The following SGCZ variants were observed in gnomAD, a reference collection of about 807,000 sequenced individuals.
SGCZ encodes the protein zeta-sarcoglycan.
Under a neutral mutation model 41.3 loss-of-function variants are expected in SGCZ, and 40 were observed. The observed-to-expected ratio is 0.97, with a 90% CI of 0.75 to 1.26. SGCZ has a LOEUF of 1.26. SGCZ is among the 50% of genes most tolerant of loss of function. The probability of loss-of-function intolerance (pLI) is 0.00; values close to 1 mark genes in which losing one functional copy is unlikely to be tolerated. For synonymous variants in SGCZ, 206 were observed against 137.5 expected, an observed-to-expected ratio of 1.50 and a Z score of -3.49; for missense variants, 552 against 369.8, an observed-to-expected ratio of 1.49 and a Z score of -4.04.
intron 1 of SGCZ, among the ~76,000 whole-genome samples, chr8:14,899,735 G>A (rs1331911324): frequency 6.6e-6 from 1 of 151,910 alleles, no homozygotes; most frequent in Non-Finnish European, 1.5e-5. Flanking sequence ...GAATATACCA[G>A]CCTATACCTC....
intron 2 of SGCZ, among the ~76,000 whole-genome samples, chr8:14,423,840 C>T (rs1373237943): frequency 6.6e-6 from 1 of 151,964 alleles, no homozygotes; most frequent in South Asian, 2.1e-4. Flanking sequence ...CTCATTTTTC[C>T]CCCTTCCTTC....
intron 1 of SGCZ, among the ~76,000 whole-genome samples, chr8:14,777,343 G>A (rs1800436283): frequency 6.6e-6 from 1 of 152,108 alleles, no homozygotes; most frequent in Non-Finnish European, 1.5e-5. Flanking sequence ...CATTTAATTT[G>A]TAAAAGAGAA....
At chr8:14,680,974 A>AAAAAAAAAC (rs1585178089) in intron 1 of SGCZ, among the ~76,000 whole-genome samples, 1 of 150,912 alleles carries the variant, frequency 6.6e-6, no homozygotes, top group East Asian at 1.9e-4. Context: ...GAAAAAAAAA[A>AAAAAAAAAC]AAAAAAACAG....
At chr8:14,773,298 G>T (rs1482863001) in intron 1 of SGCZ, among the ~76,000 whole-genome samples, 1 of 151,936 alleles carries the variant, frequency 6.6e-6, no homozygotes, top group African/African-American at 2.4e-5. Context: ...ATTTTTCTTG[G>T]GCACTAAATT....
chr8:14,291,325 A>C (rs1249929388), intron 3 of SGCZ, among the ~76,000 whole-genome samples: 1 of 143,694 alleles, frequency 7.0e-6, no homozygotes, highest in Non-Finnish European at 1.6e-5. Context: ...CAAAGAAATG[A>C]TAAATTTTTA....
intron 5 of SGCZ, among the ~76,000 whole-genome samples, chr8:14,137,772 G>C (rs1043501799): frequency 2.0e-5 from 3 of 152,110 alleles, no homozygotes; most frequent in Admixed American, 2.0e-4. Context: ...TATTATCCAG[G>C]AGAACTTCCC....
At chr8:14,308,992 C>G in intron 3 of SGCZ, 1 of 895,022 alleles carries the variant, frequency 1.1e-6, no homozygotes, top group Non-Finnish European at 1.7e-6. Context: ...GAATTCCAAA[C>G]CGCACCCGGC....
At position 14,230,366 on chromosome 8, in the gene SGCZ, T is replaced by C. The variant is rs191889328; in HGVS notation, c.424+7226A>G. On this transcript the variant is annotated intron_variant, in intron 4 of 7. Transcript: ENST00000382080. ...ACTAACTTATACATAATGCATACTA[T>C]GCTCCAGGAAGCGTTCCAATACCTT... 9.9e-5 allele frequency among the ~76,000 whole-genome samples: 15 copies of C among 152,256 alleles called. No individual in the cohort carries two copies. In the East Asian group the frequency reaches 2.3e-3, roughly 23 times the overall value.
At chr8:14,310,230 C>G (rs974794452) in intron 3 of SGCZ, among the ~76,000 whole-genome samples, 8 of 152,032 alleles carry the variant, frequency 5.3e-5, no homozygotes, top group African/African-American at 1.9e-4. Flanking sequence ...ATTCTGATTT[C>G]AGTTTTTGAT....
chr8:14,207,522 T>C (rs913619137), intron 4 of SGCZ, among the ~76,000 whole-genome samples: 10 of 152,204 alleles, frequency 6.6e-5, no homozygotes, highest in African/African-American at 2.4e-5. Flanking sequence ...CTAGTCAACA[T>C]TGATCTAGTT....
chr8:14,089,043 C>T lies in SGCZ; in HGVS notation c.*1400G>A, dbSNP rs115456093. Reference sequence around the variant, plus strand: ...TTCCCATAATAGGAAATACTTAATACAGTTTTACATTCTTTGACTCTGTAA... The same window carrying T: ...TTCCCATAATAGGAAATACTTAATATAGTTTTACATTCTTTGACTCTGTAA... On this transcript the variant is annotated 3_prime_UTR_variant, in exon 8 of 8. Coordinates refer to ENST00000382080, the MANE Select transcript of SGCZ (RefSeq NM_139167.4). 3.5e-3 allele frequency among the ~76,000 whole-genome samples: 532 copies of T among 152,036 alleles called. 6 individuals are homozygous for T. Among genetic ancestry groups the T allele is most frequent in the Middle Eastern group, 0.024 (7 of 294 alleles).
chr8:14,469,061 A>T (rs774964435), intron 2 of SGCZ, among the ~76,000 whole-genome samples: 17 of 152,018 alleles, frequency 1.1e-4, no homozygotes, highest in African/African-American at 4.1e-4. Flanking sequence ...CCATGCCACA[A>T]CCAAAATGGA....
chr8:14,532,560 G>C (rs563213390), intron 2 of SGCZ, among the ~76,000 whole-genome samples: 1 of 151,958 alleles, frequency 6.6e-6, no homozygotes, highest in South Asian at 2.1e-4. Context: ...TGCTTTGTGG[G>C]AGCAAGTGGA....
rs542299118 is a variant in SGCZ at position 14,704,850 on chromosome 8, A to T, written c.40-149924T>A. Among the ~76,000 whole-genome samples the T allele has an allele frequency of 2.0e-3, 305 of 152,162 alleles. 2 individuals are homozygous for T. Among genetic ancestry groups the T allele is most frequent in the African/African-American group, 7.1e-3 (293 of 41,556 alleles). ...CTTAGGGATAAACTAAATACTGGGC[A>T]TCACAAATATATTGGTAAGCAAGCC... On this transcript the variant is annotated intron_variant, in intron 1 of 7. Coordinates refer to ENST00000382080, the MANE Select transcript of SGCZ (RefSeq NM_139167.4).
chr8:14,968,721 T>C (rs1185406470), intron 1 of SGCZ, among the ~76,000 whole-genome samples: 2 of 152,118 alleles, frequency 1.3e-5, no homozygotes, highest in Admixed American at 1.3e-4. Context: ...GCTGAGTGTT[T>C]AAAGGCTAAA....
chr8:15,087,335 G>A (rs1295598597), intron 1 of SGCZ, among the ~76,000 whole-genome samples: 1 of 152,034 alleles, frequency 6.6e-6, no homozygotes, highest in Non-Finnish European at 1.5e-5. Flanking sequence ...AGTATTTCCT[G>A]TGTACATCTC....
intron 1 of SGCZ, among the ~76,000 whole-genome samples, chr8:14,824,800 T>C (rs1439343563): frequency 6.6e-6 from 1 of 152,110 alleles, no homozygotes; most frequent in African/African-American, 2.4e-5. Context: ...TTCAGCGATG[T>C]AGTATAGAAA....
chr8:14,960,787 A>G (rs1016320058), intron 1 of SGCZ, among the ~76,000 whole-genome samples: 9 of 152,046 alleles, frequency 5.9e-5, no homozygotes, highest in African/African-American at 1.9e-4. Flanking sequence ...TTTCTACTAC[A>G]TCAATTAAGG....
intron 4 of SGCZ, among the ~76,000 whole-genome samples, chr8:14,216,060 A>T (rs945874211): frequency 6.6e-6 from 1 of 152,244 alleles, no homozygotes; most frequent in African/African-American, 2.4e-5. Context: ...ATTTAATGAC[A>T]AAGGCTTTGA....
Sources: gnomAD v4.1 joint callset for allele counts (sites outside exome capture counted in the v4.1 genomes callset) on GRCh38, gnomAD v4.1.1 for gene constraint, MANE v1.5 for transcripts, NCBI Gene and HGNC (gene_info 2026-07-23, HGNC 2026-07-21) for gene names.